Variants in LNX1 observed in about 807,000 individuals in gnomAD.
LNX1 encodes the protein ligand of numb-protein X 1, also known as E3 ubiquitin-protein ligase LNX.
LNX1 carries 54 observed loss-of-function variants against 68.4 expected under a neutral mutation model. That is an observed-to-expected ratio of 0.79 (90% confidence interval 0.63 to 0.99). LNX1 has a LOEUF of 0.99. Among genes scored for constraint, LNX1 ranks in the 50% least tolerant of loss-of-function variants. The probability of loss-of-function intolerance (pLI) is 0.00; values close to 1 mark genes in which losing one functional copy is unlikely to be tolerated. For missense variants in LNX1, 906 were observed against 926.4 expected (o/e 0.98, Z 0.29); for synonymous variants, 336 against 350.0 (o/e 0.96, Z 0.45).
intron 2 of LNX1, among the ~76,000 whole-genome samples, chr4:53,601,628 C>T (rs185453187): frequency 2.9e-4 from 44 of 152,308 alleles, no homozygotes; most frequent in African/African-American, 1.0e-3. Flanking sequence ...TGCCATGTGG[C>T]TGCGGGGGTT....
At chr4:53,508,824 C>T (rs1272691506) in intron 2 of LNX1, among the ~76,000 whole-genome samples, 2 of 152,132 alleles carry the variant, frequency 1.3e-5, no homozygotes, top group African/African-American at 4.8e-5. Context: ...GTTGGGGGCT[C>T]CCATGATCTG....
chr4:53,549,087 G>A (rs1307977461), intron 2 of LNX1, among the ~76,000 whole-genome samples: 2 of 152,148 alleles, frequency 1.3e-5, no homozygotes, highest in South Asian at 4.1e-4. Context: ...ATACCTATGT[G>A]ATGAAATAAT....
chr4:53,570,274 A>C (rs1195880968), intron 2 of LNX1, among the ~76,000 whole-genome samples: 1 of 149,146 alleles, frequency 6.7e-6, no homozygotes, highest in Non-Finnish European at 1.5e-5. Context: ...CAAATGTCCA[A>C]CAATGATAGA....
At position 53,493,807 on chromosome 4, in the gene LNX1, G is replaced by A. The variant is rs114687347; in HGVS notation, c.1350+2216C>T. 9.6e-3 allele frequency among the ~76,000 whole-genome samples: 1,461 copies of A among 152,296 alleles called. 23 individuals are homozygous for A. Among genetic ancestry groups the A allele is most frequent in the African/African-American group, 0.034 (1,398 of 41,554 alleles). On this transcript the variant is annotated intron_variant, in intron 6 of 10. Transcript: ENST00000263925. ...ATAGACTTGCTGGATAATTGAGAAT[G>A]CTTCTTAAGGCCGCTGGATCTTGCC...
chr4:53,649,958 AAGGACTTGAC>A (rs1735031203), intron 1 of LNX1, among the ~76,000 whole-genome samples: 1 of 152,216 alleles, frequency 6.6e-6, no homozygotes, highest in Admixed American at 6.5e-5. Flanking sequence ...GAACCTAGAC[AAGGACTTGAC>A]AGAGAAGAAA....
chr4:53,624,085 G>C (rs1733987162), intron 1 of LNX1, among the ~76,000 whole-genome samples: 1 of 151,952 alleles, frequency 6.6e-6, no homozygotes, highest in Admixed American at 6.6e-5. Context: ...TCCTTTTCTT[G>C]AGCTCTTTCC....
At chr4:53,483,626 C>T (rs944435339) in intron 6 of LNX1, among the ~76,000 whole-genome samples, 1 of 152,068 alleles carries the variant, frequency 6.6e-6, no homozygotes, top group Non-Finnish European at 1.5e-5. Context: ...AGAAAGATTC[C>T]CAAGACAGAC....
chr4:53,459,495 T>G lies in LNX1; in HGVS notation c.*1412A>C. The G allele has an allele frequency of 6.2e-7, 1 of 1,610,162 alleles. No individual in the cohort carries two copies. The highest frequency in any genetic ancestry group is 1.3e-5 in the African/African-American group (1 of 74,894). On this transcript the variant is annotated 3_prime_UTR_variant, in exon 11 of 11. Transcript: ENST00000263925. ...GTATATTAGTACCAGAAGTAGATAC[T>G]ATAAATCTTGTTATTTTTCTGGATA...
Position 53,606,078 on chromosome 4 carries a change from G to A in LNX1, c.-215+10439C>T, listed in dbSNP as rs539513625. ...GCAAACCGACACACAGTTAGCAGAA[G>A]ACAGGAAATAATCAAAATCAGAGCT... On this transcript the variant is annotated intron_variant, in intron 2 of 3. Transcript: ENST00000504299. Among the ~76,000 whole-genome samples, 187 of 152,082 alleles carry A rather than the reference G, an allele frequency of 1.2e-3. 1 individual carries two copies. The highest frequency in any genetic ancestry group is 4.1e-3 in the African/African-American group (169 of 41,486).
At chr4:53,623,499 G>T (rs572198939) in intron 1 of LNX1, among the ~76,000 whole-genome samples, 1 of 152,156 alleles carries the variant, frequency 6.6e-6, no homozygotes, top group South Asian at 2.1e-4. Context: ...CTCTCAAAGT[G>T]TTGGGATTAC....
chr4:53,460,807 T>G lies in LNX1; in HGVS notation c.*100A>C. On this transcript the variant is annotated 3_prime_UTR_variant, in exon 11 of 11. Transcript: ENST00000263925. ...TACTTTTCCTGACATTTTTACAATG[T>G]ATTCTTTCTTTAAATATAAAAACTG... 8.5e-7 allele frequency: 1 copy of G among 1,173,472 alleles called. No individual in the cohort carries two copies. Among genetic ancestry groups the G allele is most frequent in the Non-Finnish European group, 1.2e-6 (1 of 823,540 alleles). 72.7% of individuals were successfully genotyped at this position (1,173,472 alleles called of 1,614,324 possible). A position where few individuals can be genotyped will look rare whatever the true frequency, so the allele number is the denominator to read the frequency against.
chr4:53,543,836 AAAC>A (rs1728916082), intron 2 of LNX1, among the ~76,000 whole-genome samples: 1 of 152,210 alleles, frequency 6.6e-6, no homozygotes, highest in South Asian at 2.1e-4. Flanking sequence ...GGGAAAGAAA[AAAC>A]AAATCTCCAT....
intron 4 of LNX1, among the ~76,000 whole-genome samples, chr4:53,504,497 C>A (rs1346043187): frequency 6.6e-6 from 1 of 152,208 alleles, no homozygotes; most frequent in Admixed American, 6.5e-5. Context: ...CAAACTTTCT[C>A]CATATCAGCA....
chr4:53,478,766 T>C lies in LNX1; in HGVS notation c.1486-24A>G, dbSNP rs111560695. 7.5e-6 allele frequency: 12 copies of C among 1,601,650 alleles called. No homozygotes were observed. In the African/African-American group the frequency reaches 8.0e-5, roughly 11 times the overall value. ...GGCTGAAGGCACAGATGGAAAAACA[T>C]GGCACATGAATTCACAACTCTGGTA... On this transcript the variant is annotated intron_variant, in intron 7 of 10. Coordinates refer to ENST00000263925, the MANE Select transcript of LNX1 (RefSeq NM_001126328.3).
At chr4:53,486,275 C>T (rs1560621785) in intron 6 of LNX1, among the ~76,000 whole-genome samples, 1 of 147,618 alleles carries the variant, frequency 6.8e-6, no homozygotes, top group South Asian at 2.3e-4. Context: ...CTTAGTGAAG[C>T]CACCCAATCG....
At chr4:53,521,243 T>A (rs1727195597) in intron 2 of LNX1, among the ~76,000 whole-genome samples, 1 of 152,194 alleles carries the variant, frequency 6.6e-6, no homozygotes, top group African/African-American at 2.4e-5. Context: ...AGTCCTCGTG[T>A]TTTTGTGAAG....
chr4:53,492,168 A>G (rs1724729863), intron 6 of LNX1, among the ~76,000 whole-genome samples: 1 of 152,172 alleles, frequency 6.6e-6, no homozygotes, highest in Non-Finnish European at 1.5e-5. Flanking sequence ...TAAAGTGTAT[A>G]TGAGCAGAAA....
chr4:53,557,976 G>C, intron 2 of LNX1: 1 of 1,613,626 alleles, frequency 6.2e-7, no homozygotes, highest in Non-Finnish European at 8.5e-7. Context: ...TCTCCGAGCA[G>C]TGTGCTGCCT....
chr4:53,581,784 G>A (rs1731855027), intron 1 of LNX1, among the ~76,000 whole-genome samples: 1 of 152,128 alleles, frequency 6.6e-6, no homozygotes, highest in Non-Finnish European at 1.5e-5. Flanking sequence ...GATTTGGGTG[G>A]GGACGCAGCC....
Sources: gnomAD v4.1 joint callset for allele counts (sites outside exome capture counted in the v4.1 genomes callset) on GRCh38, gnomAD v4.1.1 for gene constraint, MANE v1.5 for transcripts, NCBI Gene and HGNC (gene_info 2026-07-23, HGNC 2026-07-21) for gene names.